The following NDST4 variants were observed in gnomAD, a reference collection of about 807,000 sequenced individuals.
NDST4 encodes the protein N-deacetylase and N-sulfotransferase 4, also known as N-heparan sulfate sulfotransferase 4.
A neutral mutation model predicts 100.8 loss-of-function variants in NDST4; 63 were observed. That is an observed-to-expected ratio of 0.62 (90% CI 0.51 to 0.77). NDST4 has a LOEUF of 0.77. Among genes scored for constraint, NDST4 ranks in the 30% least tolerant of loss-of-function variants. The probability of loss-of-function intolerance (pLI) is 0.00; values close to 1 mark genes in which losing one functional copy is unlikely to be tolerated. For missense variants in NDST4, 943 were observed against 1,018.4 expected (o/e 0.93, Z 1.01); for synonymous variants, 377 against 361.8 (o/e 1.04, Z -0.48).
chr4:114,915,441 C>T (rs1476895211), intron 6 of NDST4, among the ~76,000 whole-genome samples: 2 of 152,120 alleles, frequency 1.3e-5, no homozygotes, highest in Non-Finnish European at 2.9e-5. Flanking sequence ...TAAATTCATT[C>T]CTTTTTAATA....
chr4:114,937,180 AC>A, intron 5 of NDST4, 137 bp downstream of exon 5: 1 of 882,688 alleles, frequency 1.1e-6, no homozygotes, highest in Non-Finnish European at 1.7e-6. Context: ...ATAACCAGTC[AC>A]CATTGAGATA....
At chr4:115,096,181 AT>A (rs1729618319) in intron 1 of NDST4, among the ~76,000 whole-genome samples, 1 of 79,284 alleles carries the variant, frequency 1.3e-5, no homozygotes, top group Non-Finnish European at 2.5e-5. Context: ...TGCAATTCTG[AT>A]AATGGATAGA....
At chr4:115,071,149 AT>A (rs1729069195) in intron 2 of NDST4, among the ~76,000 whole-genome samples, 2 of 152,208 alleles carry the variant, frequency 1.3e-5, no homozygotes, top group African/African-American at 4.8e-5. Context: ...AAAATAAAAA[AT>A]AAAAATAAAC....
At chr4:114,865,832 A>C (rs1177238570) in intron 7 of NDST4, among the ~76,000 whole-genome samples, 1 of 152,226 alleles carries the variant, frequency 6.6e-6, no homozygotes, top group Non-Finnish European at 1.5e-5. Flanking sequence ...AATGACTGAC[A>C]GCCTCATATA....
At chr4:114,918,600 C>T (rs781764078) in intron 6 of NDST4, among the ~76,000 whole-genome samples, 14 of 150,362 alleles carry the variant, frequency 9.3e-5, no homozygotes, top group African/African-American at 2.4e-4. Flanking sequence ...AGAATCAAAC[C>T]GAACAAGTTC....
At chr4:114,879,553 C>G (rs1724323106) in intron 6 of NDST4, among the ~76,000 whole-genome samples, 1 of 152,126 alleles carries the variant, frequency 6.6e-6, no homozygotes. Flanking sequence ...TGGGTATTTC[C>G]TGGCTATTCC....
chr4:115,001,185 C>T (rs1388641794), intron 2 of NDST4, among the ~76,000 whole-genome samples: 4 of 152,138 alleles, frequency 2.6e-5, no homozygotes, highest in African/African-American at 9.6e-5. Flanking sequence ...GCTAATCAAT[C>T]ATTTTCCTTT....
chr4:115,020,833 A>G (rs1396491453), intron 2 of NDST4, among the ~76,000 whole-genome samples: 2 of 152,150 alleles, frequency 1.3e-5, no homozygotes, highest in Admixed American at 1.3e-4. Flanking sequence ...ACTAATGATC[A>G]GGGAAATGCA....
At chr4:114,883,191 A>C (rs1450644656) in intron 6 of NDST4, among the ~76,000 whole-genome samples, 1 of 152,206 alleles carries the variant, frequency 6.6e-6, no homozygotes, top group East Asian at 1.9e-4. Flanking sequence ...GGTAAAATTA[A>C]ATTTTTTATT....
At chr4:115,006,031 C>CAAAAAAAAAA (rs33988343) in intron 2 of NDST4, among the ~76,000 whole-genome samples, 11 of 99,478 alleles carry the variant, frequency 1.1e-4, no homozygotes, top group African/African-American at 2.7e-4. Context: ...GACTCTATCT[C>CAAAAAAAAAA]AAAAAAAAAA....
chr4:114,867,662 AAGC>A, intron 7 of NDST4, among the ~76,000 whole-genome samples: 4 of 94,824 alleles, frequency 4.2e-5, no homozygotes, highest in African/African-American at 9.3e-5. Flanking sequence ...AAAAAAAAAA[AAGC>A]AAAAAAAAAA....
chr4:114,933,383 T>G (rs989440245), intron 6 of NDST4, among the ~76,000 whole-genome samples: 1 of 149,126 alleles, frequency 6.7e-6, no homozygotes. Flanking sequence ...GAAGGAAGTA[T>G]AGGGAAAAAA....
rs539400639 is a variant in NDST4 at position 114,859,621 on chromosome 4, C to T, written c.1720-6800G>A. On this transcript the variant is annotated intron_variant, in intron 7 of 13. Transcript: ENST00000264363. ...CAGCTAGGGGATTGAGAATTCTCCCCGGCTAATAGAAGCCACCTGACCGGA... is the reference window on the plus strand; with the variant it reads ...CAGCTAGGGGATTGAGAATTCTCCCTGGCTAATAGAAGCCACCTGACCGGA... Among the ~76,000 whole-genome samples, 104 of 152,276 alleles carry T rather than the reference C, an allele frequency of 6.8e-4. 2 individuals are homozygous for T. Among genetic ancestry groups the T allele is most frequent in the African/African-American group, 2.3e-3 (97 of 41,556 alleles).
chr4:114,828,470 T>G (rs918976700), intron 13 of NDST4, among the ~76,000 whole-genome samples: 2 of 152,158 alleles, frequency 1.3e-5, no homozygotes, highest in East Asian at 3.8e-4. Context: ...GAGCTTTTGG[T>G]TTCCAAAATA....
chr4:115,056,007 A>G (rs1478786785), intron 2 of NDST4, among the ~76,000 whole-genome samples: 2 of 152,156 alleles, frequency 1.3e-5, no homozygotes, highest in East Asian at 3.8e-4. Context: ...GAAAAATACT[A>G]ATAAGGGCAT....
intron 1 of NDST4, among the ~76,000 whole-genome samples, chr4:115,077,653 A>G (rs1419744856): frequency 6.6e-6 from 1 of 152,244 alleles, no homozygotes; most frequent in Non-Finnish European, 1.5e-5. Context: ...TTATATACAT[A>G]TAAAATTAGG....
intron 2 of NDST4, among the ~76,000 whole-genome samples, chr4:115,025,223 GCAACAGCCT>G (rs144711390): frequency 0.014 from 2,096 of 152,252 alleles, 40 homozygotes; most frequent in African/African-American, 0.047. Flanking sequence ...AGGGAGCTGG[GCAACAGCCT>G]CAACAGCCTA....
At chr4:115,101,929 A>G (rs1409276241) in intron 1 of NDST4, among the ~76,000 whole-genome samples, 5 of 152,148 alleles carry the variant, frequency 3.3e-5, no homozygotes, top group South Asian at 2.1e-4. Flanking sequence ...TTTAGCCATT[A>G]AAAAATGAGA....
chr4:115,087,497 A>AT (rs531049031), intron 1 of NDST4, among the ~76,000 whole-genome samples: 247 of 151,488 alleles, frequency 1.6e-3, no homozygotes, highest in African/African-American at 5.7e-3. Context: ...CTTCTCTAGA[A>AT]TTTTTTTCTT....
Sources: allele counts gnomAD v4.1 joint callset (sites outside exome capture counted in the v4.1 genomes callset), GRCh38; gene constraint gnomAD v4.1.1; transcripts MANE v1.5; gene names NCBI Gene and HGNC (gene_info 2026-07-23, HGNC 2026-07-21).